The following KANK1 variants were observed in gnomAD, a reference collection of about 807,000 sequenced individuals.
KANK1 encodes KN motif and ankyrin repeat domain-containing protein 1.
A neutral mutation model predicts 106.2 loss-of-function variants in KANK1; 109 were observed. That is an observed-to-expected ratio of 1.03 (90% CI 0.88 to 1.20). The LOEUF (loss-of-function observed/expected upper bound fraction) is 1.20. Among genes scored for constraint, KANK1 ranks in the 50% most tolerant of loss-of-function variants. KANK1 has a pLI of 0.00. For missense variants in KANK1, 2,399 were observed against 1,710.7 expected (o/e 1.40, Z -7.10); for synonymous variants, 873 against 652.2 (o/e 1.34, Z -5.16).
At chr9:597,298 C>T (rs181071681) in intron 1 of KANK1, among the ~76,000 whole-genome samples, 1 of 151,918 alleles carries the variant, frequency 6.6e-6, no homozygotes, top group East Asian at 1.9e-4. Context: ...AAACTGTTTT[C>T]CACAGGGCCA....
rs770647897 is a variant in KANK1, at chr9:711,867, C to T, written c.1101C>T (p.Phe367=). The change falls in exon 3 of 12, where the codon TTC becomes TTT. Residue 367 remains phenylalanine, a synonymous_variant. Transcript: ENST00000382297. ...VEQSTQRIKE[F]RQLTADMQAL... is the part of the protein sequence containing the mutation. Reference sequence around the variant, plus strand: ...AGAGCACGCAGAGGATAAAGGAGTTCCGGCAACTTACAGCAGACATGCAAG... The same window carrying T: ...AGAGCACGCAGAGGATAAAGGAGTTTCGGCAACTTACAGCAGACATGCAAG... 1 of 1,614,132 alleles carries T rather than the reference C, an allele frequency of 6.2e-7. No homozygotes were observed. The highest frequency in any genetic ancestry group is 1.3e-5 in the African/African-American group (1 of 75,020).
At chr9:529,289 A>G (rs1292468058) in intron 1 of KANK1, among the ~76,000 whole-genome samples, 3 of 148,552 alleles carry the variant, frequency 2.0e-5, no homozygotes, top group African/African-American at 5.1e-5. Context: ...ACACACATAT[A>G]TACACTTTTT....
intron 1 of KANK1, among the ~76,000 whole-genome samples, chr9:586,879 A>T (rs1823612245): frequency 6.6e-6 from 1 of 152,178 alleles, no homozygotes; most frequent in Non-Finnish European, 1.5e-5. Context: ...CCAGCAGGAA[A>T]GTGGCTTAAC....
intron 1 of KANK1, among the ~76,000 whole-genome samples, chr9:630,781 T>G (rs918057284): frequency 3.3e-5 from 5 of 151,406 alleles, no homozygotes; most frequent in African/African-American, 1.2e-4. Flanking sequence ...CAGGCGCCTG[T>G]AATCCCAGCT....
At chr9:714,171 C>T (rs1327577944) in intron 3 of KANK1, among the ~76,000 whole-genome samples, 1 of 152,108 alleles carries the variant, frequency 6.6e-6, no homozygotes. Flanking sequence ...AACAGAGCCC[C>T]TGTCCCTGCG....
intron 1 of KANK1, among the ~76,000 whole-genome samples, chr9:644,967 A>G (rs1839317780): frequency 6.7e-6 from 1 of 149,968 alleles, no homozygotes; most frequent in Non-Finnish European, 1.5e-5. Context: ...CTAAAATACA[A>G]AAGAATATTA....
intron 1 of KANK1, among the ~76,000 whole-genome samples, chr9:669,656 C>T (rs1175460222): frequency 1.3e-5 from 2 of 152,026 alleles, no homozygotes; most frequent in African/African-American, 4.8e-5. Context: ...TTAGTATCCT[C>T]TTTTTGTCCT....
chr9:688,725 A>G (rs1243764871), intron 2 of KANK1, among the ~76,000 whole-genome samples: 1 of 152,102 alleles, frequency 6.6e-6, no homozygotes, highest in Non-Finnish European at 1.5e-5. Context: ...GGCCATTTGG[A>G]AAGTTCTTCC....
chr9:712,139 A>G lies in KANK1; in HGVS notation c.1373A>G (p.Gln458Arg). Residue 458 changes from glutamine to arginine, a missense_variant, in exon 3 of 12, where the codon CAA (glutamine) becomes CGA (arginine). Transcript: ENST00000382297. ...GAAGCTGACAAAGAAATTGAGCTGC[A>G]ACAGCAGACCATAGAATCCTTGAAG... ...MTEADKEIEL[Q>R]QQTIESLKEK... 1.2e-6 allele frequency: 2 copies of G among 1,614,152 alleles called. No individual in the cohort carries two copies. Among genetic ancestry groups the G allele is most frequent in the Non-Finnish European group, 1.7e-6 (2 of 1,180,038 alleles).
In KANK1 at chr9:745,978, G is replaced by A. The variant is rs1260988051; in HGVS notation, c.*743G>A. 6.6e-6 allele frequency: 1 copy of A among 152,636 alleles called. No individual in the cohort carries two copies. Among genetic ancestry groups the A allele is most frequent in the Non-Finnish European group, 1.5e-5 (1 of 68,042 alleles). The allele number at this position is 152,636 out of a possible 1,614,324, so 9.5% of individuals were successfully genotyped here. A position where few individuals can be genotyped will look rare whatever the true frequency, so the allele number is the denominator to read the frequency against. Reference sequence around the variant, plus strand: ...CTGTATTTGCCTCTAGAGAAACACAGTGTTCTCTTTGTATTTATGGATTCC... The same window carrying A: ...CTGTATTTGCCTCTAGAGAAACACAATGTTCTCTTTGTATTTATGGATTCC... On this transcript the variant is annotated 3_prime_UTR_variant, in exon 12 of 12. Transcript: ENST00000382297.
intron 1 of KANK1, among the ~76,000 whole-genome samples, chr9:551,321 T>C (rs1160105329): frequency 6.6e-6 from 1 of 152,038 alleles, no homozygotes; most frequent in African/African-American, 2.4e-5. Flanking sequence ...TGGTGTTTCA[T>C]ACCAGAGTCA....
chr9:666,842 A>G (rs972161349), intron 1 of KANK1, among the ~76,000 whole-genome samples: 1 of 147,650 alleles, frequency 6.8e-6, no homozygotes, highest in Non-Finnish European at 1.5e-5. Flanking sequence ...CAGTTTGTTA[A>G]TATTTTTTGT....
rs554178171 is a variant in KANK1 at position 691,853 on chromosome 9, G to A, written c.37+14844G>A. ...GCTGGTCTCAAACTCCTGGGCTCAAGTAATCCTCCTTCCTCAGCTTGCCAA... is the reference window on the plus strand; with the variant it reads ...GCTGGTCTCAAACTCCTGGGCTCAAATAATCCTCCTTCCTCAGCTTGCCAA... On this transcript the variant is annotated intron_variant, in intron 2 of 11. Coordinates refer to ENST00000382297, the MANE Select transcript of KANK1 (RefSeq NM_015158.5). Among the ~76,000 whole-genome samples, 58 of 149,970 alleles carry A rather than the reference G, an allele frequency of 3.9e-4. 2 individuals are homozygous for A. The South Asian group carries it at 0.012, about 30-fold the overall frequency.
chr9:670,078 T>G (rs571148184), intron 1 of KANK1, among the ~76,000 whole-genome samples: 5 of 152,310 alleles, frequency 3.3e-5, no homozygotes, highest in African/African-American at 1.2e-4. Context: ...GTTTGATTTT[T>G]TATCACTTCA....
In KANK1 at chr9:693,127, T is replaced by C. The variant is rs149376145; in HGVS notation, c.37+16118T>C. 2.4e-3 allele frequency among the ~76,000 whole-genome samples: 362 copies of C among 151,994 alleles called. 4 individuals carry two copies. The highest frequency in any genetic ancestry group is 8.5e-3 in the African/African-American group (351 of 41,410). ...ATGTTATGAATAAAATGTTTAAGAG[T>C]ATGAGGGTACAGAGCAAGGGAAGGA... On this transcript the variant is annotated intron_variant, in intron 2 of 11. Transcript: ENST00000382297.
chr9:690,789 C>T (rs1819723969), intron 2 of KANK1, among the ~76,000 whole-genome samples: 1 of 152,172 alleles, frequency 6.6e-6, no homozygotes, highest in Non-Finnish European at 1.5e-5. Context: ...GTTGAAGTCT[C>T]AAAGTTCCAA....
chr9:668,362 T>TCTA (rs1563956718), intron 1 of KANK1, among the ~76,000 whole-genome samples: 1 of 105,580 alleles, frequency 9.5e-6, no homozygotes, highest in African/African-American at 3.6e-5. Context: ...CTCTCTCTCT[T>TCTA]TGTATCTATT....
Position 645,953 on chromosome 9 carries a change from A to G in KANK1, c.-83-30937A>G, listed in dbSNP as rs935786151. Among the ~76,000 whole-genome samples the G allele has an allele frequency of 7.3e-5, 11 of 151,106 alleles. 1 individual carries two copies. Among genetic ancestry groups the G allele is most frequent in the African/African-American group, 2.7e-4 (11 of 40,376 alleles). The stretch of plus-strand genomic sequence containing the variant: ...ACAAAATTAAAAGATTTATTTCAAC[A>G]AACACTTATTGAATGCTTACCCATT... On this transcript the variant is annotated intron_variant, in intron 1 of 11. Transcript: ENST00000382297.
intron 3 of KANK1, among the ~76,000 whole-genome samples, chr9:496,452 G>A (rs946209334): frequency 6.6e-6 from 1 of 152,178 alleles, no homozygotes; most frequent in Non-Finnish European, 1.5e-5. Context: ...AGCTACTCGG[G>A]AGGCTGAGGT....
Sources: gnomAD v4.1 joint callset for allele counts (sites outside exome capture counted in the v4.1 genomes callset) on GRCh38, gnomAD v4.1.1 for gene constraint, MANE v1.5 for transcripts, NCBI Gene and HGNC (gene_info 2026-07-23, HGNC 2026-07-21) for gene names.